ANKH: variants seen among roughly 807,000 people sequenced by gnomAD.
ANKH encodes ANKH inorganic pyrophosphate transport regulator.
In ANKH, 15 loss-of-function variants were observed where a neutral mutation model predicts 49.0. That is an observed-to-expected ratio of 0.31 (90% confidence interval 0.20 to 0.47). The LOEUF (loss-of-function observed/expected upper bound fraction) is 0.47, where lower values mean the gene tolerates loss of function less well. Ranked by LOEUF, ANKH falls within the 20% of genes least tolerant of loss-of-function variation. The pLI is 1.00. For synonymous variants in ANKH, 273 were observed against 260.0 expected, an observed-to-expected ratio of 1.05 and a Z score of -0.48; for missense variants, 429 against 652.0, an observed-to-expected ratio of 0.66 and a Z score of 3.72.
At chr5:14,732,856 A>G (rs1300753131) in intron 8 of ANKH, among the ~76,000 whole-genome samples, 1 of 152,146 alleles carries the variant, frequency 6.6e-6, no homozygotes, top group Non-Finnish European at 1.5e-5. Context: ...CAAGCTATGT[A>G]GCCAATTCCA....
intron 1 of ANKH, among the ~76,000 whole-genome samples, chr5:14,825,704 T>C (rs145492042): frequency 3.2e-4 from 48 of 152,272 alleles, no homozygotes; most frequent in African/African-American, 1.1e-3. Flanking sequence ...CTGAAATCTA[T>C]CGAATTGATA....
At chr5:14,866,295 C>T (rs188928259) in intron 1 of ANKH, among the ~76,000 whole-genome samples, 111 of 152,312 alleles carry the variant, frequency 7.3e-4, no homozygotes, top group African/African-American at 2.6e-3. Context: ...CGTGAGCCAC[C>T]GCGCCTGGCA....
chr5:14,837,825 G>A (rs566872800), intron 1 of ANKH, among the ~76,000 whole-genome samples: 9 of 152,290 alleles, frequency 5.9e-5, no homozygotes, highest in East Asian at 3.9e-4. Flanking sequence ...ACATGGACAC[G>A]TATGTTTACT....
chr5:14,738,224 G>A (rs1048482538), intron 8 of ANKH, among the ~76,000 whole-genome samples: 2 of 152,334 alleles, frequency 1.3e-5, no homozygotes, highest in African/African-American at 4.8e-5. Context: ...ATGCTGAAAT[G>A]AGCCTCTTAC....
At chr5:14,857,154 G>C (rs1024955572) in intron 1 of ANKH, among the ~76,000 whole-genome samples, 3 of 152,018 alleles carry the variant, frequency 2.0e-5, no homozygotes, top group Non-Finnish European at 2.9e-5. Flanking sequence ...CAGGCATTTT[G>C]CCTGGTACCT....
chr5:14,763,891 C>A (rs1323255167), intron 2 of ANKH, among the ~76,000 whole-genome samples: 1 of 151,992 alleles, frequency 6.6e-6, no homozygotes, highest in Non-Finnish European at 1.5e-5. Context: ...GAGTTCGAGA[C>A]CAGCCTGGCC....
chr5:14,839,458 T>G (rs1741755002), intron 1 of ANKH, among the ~76,000 whole-genome samples: 1 of 151,412 alleles, frequency 6.6e-6, no homozygotes, highest in African/African-American at 2.4e-5. Context: ...TAATATATTC[T>G]GCCAAGCTGA....
chr5:14,747,460 T>C (rs1001543282), intron 6 of ANKH, among the ~76,000 whole-genome samples: 4 of 152,134 alleles, frequency 2.6e-5, no homozygotes, highest in African/African-American at 9.7e-5. Flanking sequence ...CTTAGGAGGC[T>C]GAGGCAGGAG....
chr5:14,854,872 G>A (rs1292947976), intron 1 of ANKH, among the ~76,000 whole-genome samples: 1 of 152,020 alleles, frequency 6.6e-6, no homozygotes, highest in Non-Finnish European at 1.5e-5. Context: ...CCTCTTAACT[G>A]GTCTCTGTGC....
chr5:14,862,150 C>T lies in ANKH; in HGVS notation c.96+9202G>A, dbSNP rs190610600. 5.2e-4 allele frequency among the ~76,000 whole-genome samples: 79 copies of T among 152,266 alleles called. No homozygotes were observed. In the East Asian group the frequency reaches 0.012, roughly 24 times the overall value. ...ACTCAGGAGGCTGAGGCAGGGGAAT[C>T]GCTTGAACCCAGGAGGTGGACGTTG... On this transcript the variant is annotated intron_variant, in intron 1 of 11. Transcript: ENST00000284268.
chr5:14,830,725 C>G (rs1293238267), intron 1 of ANKH, among the ~76,000 whole-genome samples: 1 of 152,202 alleles, frequency 6.6e-6, no homozygotes, highest in East Asian at 1.9e-4. Flanking sequence ...AACTGCCTCT[C>G]CACTGACCAT....
rs200596792 is a variant in ANKH at position 14,817,306 on chromosome 5, C to T, written c.97-48115G>A. On this transcript the variant is annotated intron_variant, in intron 1 of 11. Transcript: ENST00000284268. The stretch of plus-strand genomic sequence containing the variant: ...GGTTTCTATGTGTGACGCTAAAACG[C>T]CAGGAAAGAAAAGGATAGAAACTGC... Among the ~76,000 whole-genome samples, 5 of 151,232 alleles carry T rather than the reference C, an allele frequency of 3.3e-5. No individual in the cohort carries two copies. In the East Asian group the frequency reaches 9.7e-4, roughly 29 times the overall value.
chr5:14,733,847 C>T (rs1738083039), intron 8 of ANKH, among the ~76,000 whole-genome samples: 1 of 152,256 alleles, frequency 6.6e-6, no homozygotes, highest in Non-Finnish European at 1.5e-5. Context: ...CACATCTTTG[C>T]TTTCTCCACG....
At chr5:14,803,775 A>G (rs1236297970) in intron 1 of ANKH, among the ~76,000 whole-genome samples, 2 of 152,152 alleles carry the variant, frequency 1.3e-5, no homozygotes, top group East Asian at 1.9e-4. Context: ...CTCTCATTCT[A>G]CATGTCTAAA....
chr5:14,859,238 A>G (rs1405031995), intron 1 of ANKH, among the ~76,000 whole-genome samples: 1 of 152,196 alleles, frequency 6.6e-6, no homozygotes, highest in African/African-American at 2.4e-5. Flanking sequence ...ACTGTTCTGC[A>G]TACCTTATAT....
intron 11 of ANKH, among the ~76,000 whole-genome samples, chr5:14,712,486 C>T (rs186194099): frequency 6.6e-6 from 1 of 152,368 alleles, no homozygotes; most frequent in Non-Finnish European, 1.5e-5. Flanking sequence ...CTTGGACTGC[C>T]CAGTCCTTGT....
intron 1 of ANKH, among the ~76,000 whole-genome samples, chr5:14,834,269 C>T (rs1741590863): frequency 6.6e-6 from 1 of 152,064 alleles, no homozygotes; most frequent in South Asian, 2.1e-4. Context: ...ATGACAGGAC[C>T]TGCGTCACAG....
intron 1 of ANKH, among the ~76,000 whole-genome samples, chr5:14,779,881 T>C (rs558717273): frequency 3.4e-4 from 52 of 152,284 alleles, no homozygotes; most frequent in Non-Finnish European, 6.0e-4. Flanking sequence ...AATGCAGCAA[T>C]GGGACACATA....
chr5:14,710,936 G>A lies in ANKH; in HGVS notation c.*261C>T. 1 of 453,538 alleles carries A rather than the reference G, an allele frequency of 2.2e-6. No individual in the cohort carries two copies. Among genetic ancestry groups the A allele is most frequent in the Middle Eastern group, 6.5e-4 (1 of 1,534 alleles). The allele number at this position is 453,538 out of a possible 1,614,324, so 28.1% of individuals were successfully genotyped here. On this transcript the variant is annotated 3_prime_UTR_variant, in exon 12 of 12. Transcript: ENST00000284268. ...ACCGTGAGGCAGCTGTGTCTTTTGG[G>A]TTTTCGTGAGGCAGGGGTATGAAGT... is the stretch of plus-strand genomic sequence containing the variant.
Sources: allele counts gnomAD v4.1 joint callset (sites outside exome capture counted in the v4.1 genomes callset), GRCh38; gene constraint gnomAD v4.1.1; transcripts MANE v1.5; gene names NCBI Gene and HGNC (gene_info 2026-07-23, HGNC 2026-07-21).